Variants in TASP1 observed in about 807,000 individuals in gnomAD.
TASP1 encodes the protein threonine aspartase 1.
Under a neutral mutation model 56.6 loss-of-function variants are expected in TASP1, and 16 were observed. The ratio of observed to expected loss-of-function variants is 0.28; its 90% CI spans 0.19 to 0.43. The LOEUF is 0.43. Ranked by LOEUF, TASP1 falls within the 20% of genes least tolerant of loss-of-function variation. The probability of loss-of-function intolerance (pLI) is 1.00; values close to 1 mark genes in which losing one functional copy is unlikely to be tolerated. For synonymous variants in TASP1, 179 were observed against 184.2 expected (o/e 0.97, Z 0.23); for missense variants, 393 against 511.6 (o/e 0.77, Z 2.24).
the TASP1 span, among the ~76,000 whole-genome samples, chr20:13,137,740 C>T: frequency 2.6e-5 from 4 of 152,166 alleles, no homozygotes; most frequent in African/African-American, 7.2e-5. Context: ...TCCTCACAAA[C>T]GAAGGGAATC....
intron 10 of TASP1, among the ~76,000 whole-genome samples, chr20:13,510,614 G>C (rs1463776757): frequency 6.6e-6 from 1 of 152,020 alleles, no homozygotes; most frequent in Non-Finnish European, 1.5e-5. Flanking sequence ...AACTTTTCTA[G>C]TAAAAATAAA....
intron 10 of TASP1, among the ~76,000 whole-genome samples, chr20:13,500,997 T>C (rs542175386): frequency 1.3e-5 from 2 of 151,960 alleles, no homozygotes; most frequent in Non-Finnish European, 2.9e-5. Flanking sequence ...GAAAAAAAGA[T>C]ACATTACATA....
the TASP1 span, among the ~76,000 whole-genome samples, chr20:13,105,234 C>A: frequency 6.6e-6 from 1 of 151,552 alleles, no homozygotes; most frequent in South Asian, 2.1e-4. Context: ...TTCTGTGATT[C>A]TAAGAGGTCG....
intron 10 of TASP1, among the ~76,000 whole-genome samples, chr20:13,511,595 G>A (rs888992304): frequency 2.6e-5 from 4 of 151,628 alleles, no homozygotes; most frequent in South Asian, 2.1e-4. Flanking sequence ...CTGAAGTTCC[G>A]GGTTTTTTTA....
At chr20:13,349,550 C>T in the TASP1 span, among the ~76,000 whole-genome samples, 2 of 151,726 alleles carry the variant, frequency 1.3e-5, no homozygotes, top group African/African-American at 2.4e-5. Flanking sequence ...ATTTTAATTC[C>T]GAAAGAAACA....
intron 4 of TASP1, among the ~76,000 whole-genome samples, chr20:13,617,398 C>T (rs1286008905): frequency 6.6e-6 from 1 of 152,116 alleles, no homozygotes; most frequent in Non-Finnish European, 1.5e-5. Context: ...TCCCACTCCC[C>T]TTACAGAGAA....
At chr20:13,595,946 C>A (rs895922124) in intron 4 of TASP1, among the ~76,000 whole-genome samples, 1 of 152,194 alleles carries the variant, frequency 6.6e-6, no homozygotes, top group African/African-American at 2.4e-5. Flanking sequence ...CCACACTGCA[C>A]TTATTCTAAA....
chr20:13,266,653 G>T, the TASP1 span, among the ~76,000 whole-genome samples: 2 of 152,192 alleles, frequency 1.3e-5, no homozygotes. Context: ...AGGCCCCCTT[G>T]TGTCACTTTA....
chr20:13,374,113 T>C, the TASP1 span, among the ~76,000 whole-genome samples: 2 of 152,196 alleles, frequency 1.3e-5, no homozygotes, highest in Non-Finnish European at 2.9e-5. Flanking sequence ...ATCTCTTTAT[T>C]GATATTCTAT....
intron 11 of TASP1, among the ~76,000 whole-genome samples, chr20:13,468,917 A>G (rs2044367373): frequency 6.6e-6 from 1 of 150,982 alleles, no homozygotes. Context: ...TTTTAATTAC[A>G]TCCTAATACT....
At chr20:13,196,569 G>C in the TASP1 span, among the ~76,000 whole-genome samples, 2 of 152,092 alleles carry the variant, frequency 1.3e-5, no homozygotes, top group Admixed American at 1.3e-4. Context: ...AGGATGTTCA[G>C]CACTTCATAT....
At chr20:13,400,808 C>T (rs912950367) in intron 13 of TASP1, among the ~76,000 whole-genome samples, 50 of 152,292 alleles carry the variant, frequency 3.3e-4, no homozygotes, top group African/African-American at 1.2e-3. Flanking sequence ...TTCAGTATTG[C>T]TTTACTTACA....
intron 10 of TASP1, among the ~76,000 whole-genome samples, chr20:13,521,325 G>A (rs911392534): frequency 1.1e-4 from 17 of 152,124 alleles, no homozygotes; most frequent in Non-Finnish European, 2.4e-4. Context: ...ACATGCACAC[G>A]TATGTTTACT....
the TASP1 span, among the ~76,000 whole-genome samples, chr20:13,184,055 A>T: frequency 4.0e-5 from 6 of 151,712 alleles, no homozygotes; most frequent in Admixed American, 2.0e-4. Flanking sequence ...AGAAAGAAAG[A>T]AAGTAAAATA....
At chr20:13,528,551 T>A (rs2045082509) in intron 9 of TASP1, 40 bp from the exon 10 acceptor site, 1 of 1,513,908 alleles carries the variant, frequency 6.6e-7, no homozygotes, top group Non-Finnish European at 9.0e-7. Context: ...TTCAGAAATA[T>A]CATATGTAAT....
At chr20:13,165,651 C>A in the TASP1 span, 2 of 152,168 alleles carry the variant, frequency 1.3e-5, no homozygotes, top group African/African-American at 4.8e-5. Flanking sequence ...ACAATTTGAA[C>A]CTTGTTGGTG....
chr20:13,231,061 T>C, the TASP1 span, among the ~76,000 whole-genome samples: 1 of 152,138 alleles, frequency 6.6e-6, no homozygotes, highest in South Asian at 2.1e-4. Context: ...ATTTCTGGGG[T>C]CATCTCTCAA....
the TASP1 span, among the ~76,000 whole-genome samples, chr20:13,315,716 T>C: frequency 6.6e-6 from 1 of 151,920 alleles, no homozygotes. Flanking sequence ...CAAGCTTATA[T>C]GAAATATTCA....
At chr20:13,560,596 A>G (rs1305305887) in intron 7 of TASP1, among the ~76,000 whole-genome samples, 1 of 152,224 alleles carries the variant, frequency 6.6e-6, no homozygotes, top group Non-Finnish European at 1.5e-5. Flanking sequence ...ATTACAGCAG[A>G]GCATGAGACC....
Sources: allele counts gnomAD v4.1 joint callset (sites outside exome capture counted in the v4.1 genomes callset), GRCh38; gene constraint gnomAD v4.1.1; transcripts MANE v1.5; gene names NCBI Gene and HGNC (gene_info 2026-07-23, HGNC 2026-07-21).